The following CACNA1D variants were observed in gnomAD, a reference collection of about 807,000 sequenced individuals.
CACNA1D encodes calcium voltage-gated channel subunit alpha1 D.
CACNA1D carries 55 observed loss-of-function variants against 257.1 expected under a neutral mutation model. That is an observed-to-expected ratio of 0.21 (90% CI 0.17 to 0.27). CACNA1D has a LOEUF of 0.27. Among genes scored for constraint, CACNA1D ranks in the 10% least tolerant of loss-of-function variants. The pLI is 1.00. For synonymous variants in CACNA1D, 980 were observed against 1,014.9 expected (o/e 0.97, Z 0.65); for missense variants, 1,876 against 2,784.0 (o/e 0.67, Z 7.34).
intron 3 of CACNA1D, among the ~76,000 whole-genome samples, chr3:53,614,826 A>T (rs2093620012): frequency 6.6e-6 from 1 of 152,222 alleles, no homozygotes; most frequent in Non-Finnish European, 1.5e-5. Context: ...CCATTCCCCA[A>T]AATGAGGAGA....
At chr3:53,675,780 A>T (rs1043599683) in intron 8 of CACNA1D, among the ~76,000 whole-genome samples, 5 of 152,342 alleles carry the variant, frequency 3.3e-5, no homozygotes, top group Admixed American at 6.5e-5. Context: ...TTTTTCATCA[A>T]AACAAAACTT....
chr3:53,723,755 G>A lies in CACNA1D; in HGVS notation c.1893-37G>A, dbSNP rs2094905021. ...GGTGATGTTCTGCTCTGTCCTGCAT[G>A]GGTGTTCTGAGCTGACACCCTCATC... On this transcript the variant is annotated intron_variant, in intron 13 of 47. Transcript: ENST00000350061. The surrounding 1 kb of genome is among the most constrained non-coding windows in gnomAD (Gnocchi z 5.6). The A allele has an allele frequency of 6.3e-7, 1 of 1,592,036 alleles. No individual in the cohort carries two copies. Among genetic ancestry groups the A allele is most frequent in the Admixed American group, 1.7e-5 (1 of 59,970 alleles).
chr3:53,602,252 C>T (rs192724378), intron 3 of CACNA1D, among the ~76,000 whole-genome samples: 1 of 152,118 alleles, frequency 6.6e-6, no homozygotes, highest in Non-Finnish European at 1.5e-5. Context: ...ACATAATGAC[C>T]CTGGTTCCAT....
At chr3:53,623,026 GC>G (rs1402531224) in intron 3 of CACNA1D, among the ~76,000 whole-genome samples, 1 of 152,038 alleles carries the variant, frequency 6.6e-6, no homozygotes, top group Non-Finnish European at 1.5e-5. Flanking sequence ...TGCATAGCTG[GC>G]ACTACAGGCG....
At chr3:53,733,349 G>A (rs942329383) in intron 19 of CACNA1D, among the ~76,000 whole-genome samples, 2 of 152,236 alleles carry the variant, frequency 1.3e-5, no homozygotes, top group Non-Finnish European at 2.9e-5. Context: ...TTCCTAATGA[G>A]TGGATCTTCT....
At chr3:53,810,660 C>T in intron 47 of CACNA1D, 2 of 347,174 alleles carry the variant, frequency 5.8e-6, no homozygotes, top group East Asian at 7.3e-5. Context: ...CAGGAGGCTG[C>T]AGCAGGAGAA....
intron 20 of CACNA1D, among the ~76,000 whole-genome samples, chr3:53,739,943 T>C (rs2095099266): frequency 6.6e-6 from 1 of 152,262 alleles, no homozygotes; most frequent in Non-Finnish European, 1.5e-5. Flanking sequence ...CTAATTTATT[T>C]GGTGCCACAA....
At chr3:53,576,034 C>T (rs2093031418) in intron 3 of CACNA1D, among the ~76,000 whole-genome samples, 2 of 152,078 alleles carry the variant, frequency 1.3e-5, no homozygotes, top group Non-Finnish European at 1.5e-5. Flanking sequence ...TGGGAACGTT[C>T]CCTCTCTCCG....
chr3:53,777,015 A>G, intron 37 of CACNA1D, 59 bp downstream of exon 37: 1 of 1,308,458 alleles, frequency 7.6e-7, no homozygotes, highest in Non-Finnish European at 1.1e-6. Flanking sequence ...TTCATTTAAC[A>G]AACACTTGTT....
chr3:53,515,732 CAT>C (rs1258595402), intron 3 of CACNA1D, among the ~76,000 whole-genome samples: 11 of 152,248 alleles, frequency 7.2e-5, no homozygotes, highest in African/African-American at 2.7e-4. Flanking sequence ...GCTTCTCTGA[CAT>C]GTGGTCCCTG....
rs1360355723 is a variant in CACNA1D, at chr3:53,812,777, G to A, written c.*1371G>A. The A allele has an allele frequency of 1.3e-5, 2 of 152,262 alleles. No homozygotes were observed. Among genetic ancestry groups the A allele is most frequent in the African/African-American group, 4.8e-5 (2 of 41,450 alleles). 9.4% of individuals were successfully genotyped at this position (152,262 alleles called of 1,614,324 possible). A position where few individuals can be genotyped will look rare whatever the true frequency, so the allele number is the denominator to read the frequency against. ...CTGGTGGTGCTGCTTAAGAAATAAGGGGTGCTGGGGACAGAGGAGCAACGT... is the reference window on the plus strand; with the variant it reads ...CTGGTGGTGCTGCTTAAGAAATAAGAGGTGCTGGGGACAGAGGAGCAACGT... On this transcript the variant is annotated 3_prime_UTR_variant, in exon 48 of 48. Coordinates refer to ENST00000350061, the MANE Select transcript of CACNA1D (RefSeq NM_001128840.3).
intron 26 of CACNA1D, chr3:53,748,969 T>A (rs1222292582): frequency 2.0e-6 from 1 of 498,418 alleles, no homozygotes; most frequent in East Asian, 3.9e-5. Flanking sequence ...GTCTTACACG[T>A]GATATTCTTC....
Position 53,568,644 on chromosome 3 carries a change from G to A in CACNA1D, c.483+66924G>A, listed in dbSNP as rs183175575. Among the ~76,000 whole-genome samples, 19 of 152,214 alleles carry A rather than the reference G, an allele frequency of 1.2e-4. No homozygotes were observed. The East Asian group carries it at 3.5e-3, about 28-fold the overall frequency. On this transcript the variant is annotated intron_variant, in intron 3 of 47. Coordinates refer to ENST00000350061, the MANE Select transcript of CACNA1D (RefSeq NM_001128840.3). ...AAGTCCATGGCAGTGCCGTTCTCCT[G>A]CCTCTCTCCTGCTGTCAGCTTTTTC... is the stretch of plus-strand genomic sequence containing the variant.
At chr3:53,626,490 A>G (rs1282113934) in intron 3 of CACNA1D, among the ~76,000 whole-genome samples, 1 of 152,108 alleles carries the variant, frequency 6.6e-6, no homozygotes, top group Admixed American at 6.5e-5. Flanking sequence ...AAATGGAGAG[A>G]GAAAGGAGGC....
At chr3:53,521,977 A>C (rs895974466) in intron 3 of CACNA1D, among the ~76,000 whole-genome samples, 2 of 151,462 alleles carry the variant, frequency 1.3e-5, no homozygotes, top group African/African-American at 4.9e-5. Flanking sequence ...AAAAAAAAAA[A>C]AGAAATTAGC....
Position 53,497,468 on chromosome 3 carries a change from T to A in CACNA1D, c.377+7T>A. ...TTAGTATAGTGGAATGGAAGTATCC[T>A]TTTTTTGGGGGAAGTCTTTCTCATT... On this transcript the variant is annotated splice_region_variant and intron_variant, in intron 2 of 47. Coordinates refer to ENST00000350061, the MANE Select transcript of CACNA1D (RefSeq NM_001128840.3). The A allele has an allele frequency of 6.2e-7, 1 of 1,611,050 alleles. No homozygotes were observed. The highest frequency in any genetic ancestry group is 8.5e-7 in the Non-Finnish European group (1 of 1,177,388).
intron 14 of CACNA1D, among the ~76,000 whole-genome samples, chr3:53,726,328 G>T (rs1224960993): frequency 6.6e-6 from 1 of 152,172 alleles, no homozygotes; most frequent in Non-Finnish European, 1.5e-5. Context: ...AACTGGGCTG[G>T]GGTGTAATCA....
In CACNA1D at chr3:53,495,539, C is replaced by A. The variant is rs2090307715; in HGVS notation, c.67+306C>A. 6.6e-6 allele frequency among the ~76,000 whole-genome samples: 1 copy of A among 152,156 alleles called. No individual in the cohort carries two copies. On this transcript the variant is annotated intron_variant, in intron 1 of 47. Transcript: ENST00000350061. The surrounding 1 kb of genome is among the most constrained non-coding windows in gnomAD (Gnocchi z 5.1). ...GTTCAGTGTCCTCGGGCTCAACTTT[C>A]CTTCAACGCCCCCGAGCGATGGCAG... is the stretch of plus-strand genomic sequence containing the variant.
At chr3:53,583,305 TC>T (rs1280020025) in intron 3 of CACNA1D, among the ~76,000 whole-genome samples, 1 of 152,098 alleles carries the variant, frequency 6.6e-6, no homozygotes, top group Admixed American at 6.5e-5. Context: ...ATGTCCGTCT[TC>T]CTGCCTGGTC....
Sources: allele counts gnomAD v4.1 joint callset (sites outside exome capture counted in the v4.1 genomes callset), GRCh38; gene constraint gnomAD v4.1.1; non-coding constraint Gnocchi (gnomAD v3.1); transcripts MANE v1.5; gene names NCBI Gene and HGNC (gene_info 2026-07-23, HGNC 2026-07-21).